Variants in PKD1L1 observed in about 807,000 individuals in gnomAD.
PKD1L1 encodes the protein polycystin 1 like 1, transient receptor potential channel interacting, also known as polycystin-1-like protein 1.
In PKD1L1, 236 loss-of-function variants were observed where a neutral mutation model predicts 323.4. The observed-to-expected ratio is 0.73, with a 90% CI of 0.66 to 0.81. PKD1L1 has a LOEUF of 0.81. PKD1L1 is among the 40% of genes least tolerant of loss of function. PKD1L1 has a pLI of 0.00. For missense variants in PKD1L1, 3,320 were observed against 3,508.0 expected (o/e 0.95, Z 1.35); for synonymous variants, 1,344 against 1,335.0 (o/e 1.01, Z -0.15).
the PKD1L1 span, among the ~76,000 whole-genome samples, chr7:47,959,624 G>A: frequency 1.2e-4 from 13 of 111,018 alleles, 1 homozygote; most frequent in Non-Finnish European, 2.5e-4. Flanking sequence ...CCCTCCGCCC[G>A]GCAGCCACCC....
At chr7:47,952,281 G>A (rs573696774), upstream of PKD1L1, among the ~76,000 whole-genome samples, 11 of 152,290 alleles carry the variant, frequency 7.2e-5, no homozygotes, top group African/African-American at 2.6e-4. Context: ...CTGCACCAAG[G>A]AGAGCAGGGG....
chr7:47,895,946 G>C (rs1176909552), intron 14 of PKD1L1, among the ~76,000 whole-genome samples: 1 of 152,264 alleles, frequency 6.6e-6, no homozygotes, highest in East Asian at 1.9e-4. Flanking sequence ...AAATCCTGTG[G>C]CAATGAGAAC....
intron 7 of PKD1L1, among the ~76,000 whole-genome samples, chr7:47,923,228 A>G (rs1025563108): frequency 6.6e-6 from 1 of 152,076 alleles, no homozygotes; most frequent in Non-Finnish European, 1.5e-5. Context: ...TAGGAAAACC[A>G]GAGACCTTTG....
Position 47,943,536 on chromosome 7 carries a change from G to A in PKD1L1, c.45-25C>T, listed in dbSNP as rs373190284. 4.5e-5 allele frequency: 71 copies of A among 1,572,662 alleles called. No individual in the cohort carries two copies. In the African/African-American group the frequency reaches 6.8e-4, roughly 15 times the overall value. On this transcript the variant is annotated intron_variant, in intron 1 of 56. Transcript: ENST00000289672. ...CCTAAGGGAAAGAAAATAACCAGAG[G>A]AAAATTAAATTAAGTACAATCGTTT... is the stretch of plus-strand genomic sequence containing the variant.
chr7:47,792,451 T>C (rs1786971786), intron 56 of PKD1L1, among the ~76,000 whole-genome samples, 176 bp downstream of exon 56: 1 of 152,222 alleles, frequency 6.6e-6, no homozygotes, highest in Non-Finnish European at 1.5e-5. Flanking sequence ...TCATGGACTT[T>C]AAATTTTTAA....
At chr7:47,807,830 C>T (rs1286016245) in intron 52 of PKD1L1, among the ~76,000 whole-genome samples, 1 of 152,218 alleles carries the variant, frequency 6.6e-6, no homozygotes, top group East Asian at 1.9e-4. Flanking sequence ...ACCTGATACT[C>T]TGTGAGCTTT....
chr7:47,802,472 A>C (rs1360924254), intron 53 of PKD1L1, among the ~76,000 whole-genome samples: 1 of 152,112 alleles, frequency 6.6e-6, no homozygotes, highest in East Asian at 1.9e-4. Flanking sequence ...CCTCCAGTGT[A>C]AGGTGAATAG....
chr7:47,782,791 C>G (rs563276563), intron 56 of PKD1L1, among the ~76,000 whole-genome samples: 1 of 152,128 alleles, frequency 6.6e-6, no homozygotes, highest in African/African-American at 2.4e-5. Context: ...CTTGGTCCTA[C>G]TTAAAATCAA....
intron 55 of PKD1L1, 150 bp from the exon 56 acceptor site, chr7:47,792,947 G>A (rs1414521141): frequency 1.6e-5 from 11 of 686,402 alleles, no homozygotes; most frequent in Admixed American, 2.9e-5. Flanking sequence ...TAGAAGACCT[G>A]GGTGCTGGGC....
chr7:47,809,606 T>A, intron 50 of PKD1L1, 29 bp from the exon 51 acceptor site: 1 of 1,482,318 alleles, frequency 6.7e-7, no homozygotes, highest in Non-Finnish European at 9.2e-7. Flanking sequence ...ACAAACAAGA[T>A]CAATAGGAAT....
chr7:47,895,390 A>G (rs1786913347), intron 14 of PKD1L1, among the ~76,000 whole-genome samples: 1 of 152,232 alleles, frequency 6.6e-6, no homozygotes. Flanking sequence ...TAATTTAAAA[A>G]TTACGTAGTT....
chr7:47,802,426 G>GA (rs1484050031), intron 53 of PKD1L1, among the ~76,000 whole-genome samples: 2 of 152,160 alleles, frequency 1.3e-5, no homozygotes, highest in Non-Finnish European at 2.9e-5. Flanking sequence ...CTGACTCTCA[G>GA]GTTCGTTCTC....
intron 24 of PKD1L1, among the ~76,000 whole-genome samples, chr7:47,868,372 G>A (rs1786211005): frequency 6.6e-6 from 1 of 151,260 alleles, no homozygotes; most frequent in African/African-American, 2.4e-5. Flanking sequence ...TTGTCTCAAG[G>A]CAAAACAAAA....
chr7:47,864,596 C>CTT (rs1461177811), intron 26 of PKD1L1, among the ~76,000 whole-genome samples: 1 of 99,826 alleles, frequency 1.0e-5, no homozygotes, highest in Admixed American at 1.0e-4. Context: ...TTCTTTCTTT[C>CTT]TTTCTTTCTT....
At chr7:47,877,427 C>A in intron 22 of PKD1L1, 62 bp downstream of exon 22, 2 of 1,594,950 alleles carry the variant, frequency 1.3e-6, no homozygotes, top group Non-Finnish European at 1.7e-6. Context: ...CCCGTGACTG[C>A]TGTGACTGCC....
At chr7:47,832,004 T>C (rs530627509) in intron 41 of PKD1L1, among the ~76,000 whole-genome samples, 25 of 152,350 alleles carry the variant, frequency 1.6e-4, no homozygotes, top group African/African-American at 5.5e-4. Context: ...CAGCTCTTCA[T>C]ACCTCTGGGT....
In PKD1L1 at chr7:47,833,168, T is replaced by C; in HGVS notation, c.6259A>G (p.Lys2087Glu). The change falls in exon 41 of 57, where the codon AAG becomes GAG. Residue 2087 changes from lysine (K) to glutamate (E), a missense_variant. Lys to Glu is a moderately conservative substitution (Grantham distance 56). Transcript: ENST00000289672. The part of the protein sequence containing the change: ...SDNGTACPAP[K>E]LQVHGADHSR... ...TGGTCAGCCCCATGAACCTGCAGCTTAGGGGCTGGACAAGCTGTGCCATTG... is the reference window on the plus strand; with the variant it reads ...TGGTCAGCCCCATGAACCTGCAGCTCAGGGGCTGGACAAGCTGTGCCATTG... 6.2e-7 allele frequency: 1 copy of C among 1,612,836 alleles called. No individual in the cohort carries two copies.
At chr7:47,948,553 C>G, upstream of PKD1L1, 1 of 980,096 alleles carries the variant, frequency 1.0e-6, no homozygotes, top group Non-Finnish European at 1.6e-6. Context: ...CTTGTGACCT[C>G]TTATCAGGAC....
At chr7:47,948,645 C>G (rs1052881246), upstream of PKD1L1, among the ~76,000 whole-genome samples, 3 of 152,184 alleles carry the variant, frequency 2.0e-5, no homozygotes, top group African/African-American at 7.2e-5. Context: ...CTAACACTGT[C>G]AGACAAATTC....
Sources: allele counts gnomAD v4.1 joint callset (sites outside exome capture counted in the v4.1 genomes callset), GRCh38; gene constraint gnomAD v4.1.1; transcripts MANE v1.5; gene names NCBI Gene and HGNC (gene_info 2026-07-23, HGNC 2026-07-21).